ZNF43: variants seen among roughly 807,000 people sequenced by gnomAD.
The protein encoded by ZNF43 is zinc finger protein 43.
ZNF43 carries 44 observed loss-of-function variants against 68.4 expected under a neutral mutation model. The observed-to-expected ratio is 0.64, with a 90% CI of 0.51 to 0.83. The LOEUF (loss-of-function observed/expected upper bound fraction) is 0.83, where lower values mean the gene tolerates loss of function less well. Ranked by LOEUF, ZNF43 falls within the 40% of genes least tolerant of loss-of-function variation. The probability of loss-of-function intolerance (pLI) is 0.00; values close to 1 mark genes in which losing one functional copy is unlikely to be tolerated. For missense variants in ZNF43, 896 were observed against 933.2 expected (o/e 0.96, Z 0.52); for synonymous variants, 308 against 307.8 (o/e 1.00, Z -0.01).
chr19:21,823,131 A>G (rs532086978), intron 1 of ZNF43, among the ~76,000 whole-genome samples: 1 of 152,358 alleles, frequency 6.6e-6, no homozygotes, highest in East Asian at 1.9e-4. Context: ...TGGACAAATA[A>G]AGCCAAAGTT....
chr19:21,835,911 G>T lies in ZNF43; in HGVS notation c.3+125C>A, dbSNP rs2038699701. ...CCAGAGCAGCCGCCATCTTATGGCT[G>T]AAGGGGATTGAGGCCGAGCTGGGCA... On this transcript the variant is annotated intron_variant, in intron 1 of 3. Coordinates refer to ENST00000354959, the MANE Select transcript of ZNF43 (RefSeq NM_003423.4). 7.9e-6 allele frequency: 12 copies of T among 1,519,958 alleles called. 1 individual carries two copies. In the South Asian group the frequency reaches 9.4e-5, roughly 12 times the overall value. The allele number at this position is 1,519,958 out of a possible 1,614,324, so 94.2% of individuals were successfully genotyped here. A position where few individuals can be genotyped will look rare whatever the true frequency, so the allele number is the denominator to read the frequency against.
At chr19:21,810,012 C>T (rs1182072664) in intron 3 of ZNF43, among the ~76,000 whole-genome samples, 5 of 151,960 alleles carry the variant, frequency 3.3e-5, no homozygotes, top group Non-Finnish European at 7.4e-5. Context: ...GTGTGCAGTG[C>T]CCCAGGTGAG....
rs981032496 is a variant in ZNF43 at position 21,805,496 on chromosome 19, G to C, written c.*2111C>G. ...AAACCCAAACAAGTAGTGGGCGCCT[G>C]TGGTCCCAGCTACTTGGGAGGCTGA... On this transcript the variant is annotated 3_prime_UTR_variant, in exon 4 of 4. Transcript: ENST00000354959. 1.3e-5 allele frequency: 2 copies of C among 151,668 alleles called. No individual in the cohort carries two copies. The highest frequency in any genetic ancestry group is 2.9e-5 in the Non-Finnish European group (2 of 68,078). 9.4% of individuals were successfully genotyped at this position (151,668 alleles called of 1,614,324 possible).
chr19:21,852,039 T>C (rs1599560898), exon 1 of ZNF43: 1 of 1,306,250 alleles, frequency 7.7e-7, no homozygotes, highest in South Asian at 1.4e-5. Flanking sequence ...CAGAGGCGGG[T>C]CCCAAGGTCT....
At position 21,847,626 on chromosome 19, in the gene ZNF43, G is replaced by A. The variant is rs1968048231; in HGVS notation, c.30+4279C>T. ...GCAGAAGAATCACTTGAACCTGGGAGGCGGAGGTTGCAGTAAGCCAAGATC... is the reference window on the plus strand; with the variant it reads ...GCAGAAGAATCACTTGAACCTGGGAAGCGGAGGTTGCAGTAAGCCAAGATC... On this transcript the variant is annotated intron_variant, in intron 1 of 3. Transcript: ENST00000357491. Among the ~76,000 whole-genome samples, 4 of 151,986 alleles carry A rather than the reference G, an allele frequency of 2.6e-5. No individual in the cohort carries two copies. In the South Asian group the frequency reaches 8.3e-4, roughly 32 times the overall value.
At chr19:21,838,280 G>T (rs1967256490), upstream of ZNF43, among the ~76,000 whole-genome samples, 1 of 152,092 alleles carries the variant, frequency 6.6e-6, no homozygotes, top group Admixed American at 6.6e-5. Context: ...TTGGCATCAA[G>T]AGATTTATTT....
chr19:21,849,226 C>T (rs985593581), intron 1 of ZNF43, among the ~76,000 whole-genome samples: 3 of 152,022 alleles, frequency 2.0e-5, no homozygotes, highest in Non-Finnish European at 4.4e-5. Flanking sequence ...CGGTGGCTGG[C>T]GCCTGTAACC....
At chr19:21,818,968 A>AT in intron 2 of ZNF43, 127 bp downstream of exon 2, 2 of 1,365,142 alleles carry the variant, frequency 1.5e-6, no homozygotes, top group Non-Finnish European at 2.0e-6. Context: ...ACAAATCCCA[A>AT]TTTTTTTGAA....
At chr19:21,813,636 G>A (rs771969948) in intron 3 of ZNF43, among the ~76,000 whole-genome samples, 1 of 152,096 alleles carries the variant, frequency 6.6e-6, no homozygotes, top group Non-Finnish European at 1.5e-5. Context: ...CAAGTAAAAC[G>A]CTGTTTGTCA....
intron 1 of ZNF43, among the ~76,000 whole-genome samples, chr19:21,842,544 T>C (rs187333879): frequency 6.6e-6 from 1 of 152,022 alleles, no homozygotes; most frequent in East Asian, 1.9e-4. Context: ...AAGGGGACCG[T>C]GCAGCACAGT....
chr19:21,811,892 T>G (rs988719984), intron 3 of ZNF43: 4 of 385,512 alleles, frequency 1.0e-5, no homozygotes, highest in African/African-American at 8.3e-5. Context: ...ACAAATCTTT[T>G]AAAAAGAAAT....
At position 21,809,040 on chromosome 19, in the gene ZNF43, T is replaced by C. The variant is rs778846005; in HGVS notation, c.997A>G (p.Lys333Glu). Reference sequence around the variant, plus strand: ...GGTTTCTCTCCAGTATGAATTCTCTTATGTTTAGTAAGAGTTGAGGGCCAG... The same window carrying C: ...GGTTTCTCTCCAGTATGAATTCTCTCATGTTTAGTAAGAGTTGAGGGCCAG... ...FNWPSTLTKH[K>E]RIHTGEKPYT... Residue 333 changes from lysine to glutamate, a missense_variant, in exon 4 of 4, where the codon AAG (lysine) becomes GAG (glutamate). Physicochemically the swap from Lys to Glu is moderately conservative, Grantham distance 56. Transcript: ENST00000354959. 6.2e-7 allele frequency: 1 copy of C among 1,613,462 alleles called. No homozygotes were observed. The highest frequency in any genetic ancestry group is 8.5e-7 in the Non-Finnish European group (1 of 1,179,716).
rs770871031 is a variant in ZNF43 at position 21,807,852 on chromosome 19, T to C, written c.2185A>G (p.Thr729Ala). ...SNLIEHKKIHTGEQPYKCEEC... is the reference protein window; with the variant it reads ...SNLIEHKKIHAGEQPYKCEEC... ...TCACATTTGTAGGGTTGCTCTCCAG[T>C]ATGAATTTTCTTATGTTCAATAAGG... Residue 729 changes from threonine to alanine, a missense_variant, in exon 4 of 4, where the codon ACT becomes GCT. Physicochemically the swap from Thr to Ala is moderately conservative, Grantham distance 58 (BLOSUM62 0). Transcript: ENST00000354959. The C allele has an allele frequency of 8.7e-6, 14 of 1,613,208 alleles. No homozygotes were observed. The highest frequency in any genetic ancestry group is 1.7e-5 in the Admixed American group (1 of 59,962).
intron 1 of ZNF43, among the ~76,000 whole-genome samples, chr19:21,819,702 C>A (rs2037704913): frequency 6.6e-6 from 1 of 152,088 alleles, no homozygotes; most frequent in African/African-American, 2.4e-5. Context: ...ACCAGTAATG[C>A]CAATGATTTT....
intron 1 of ZNF43, among the ~76,000 whole-genome samples, chr19:21,831,730 A>C (rs750379514): frequency 6.6e-6 from 1 of 152,200 alleles, no homozygotes; most frequent in Non-Finnish European, 1.5e-5. Flanking sequence ...CACAAAAATC[A>C]GTAACATCTC....
chr19:21,828,931 G>A (rs1188069666), intron 1 of ZNF43, among the ~76,000 whole-genome samples: 1 of 149,240 alleles, frequency 6.7e-6, no homozygotes, highest in East Asian at 2.0e-4. Context: ...TACTTGGGAG[G>A]CTGAGCCAGG....
Position 21,806,659 on chromosome 19 carries a change from T to C in ZNF43, c.*948A>G, listed in dbSNP as rs2036956943. 1 of 151,412 alleles carries C rather than the reference T, an allele frequency of 6.6e-6. No homozygotes were observed. The highest frequency in any genetic ancestry group is 6.6e-5 in the Admixed American group (1 of 15,258). The allele number at this position is 151,412 out of a possible 1,614,324, so 9.4% of individuals were successfully genotyped here. Reference sequence around the variant, plus strand: ...ACATCATTATTCACTAATTTAAAAATCAGTAATTTTTTCAAGATAAAAGTA... The same window carrying C: ...ACATCATTATTCACTAATTTAAAAACCAGTAATTTTTTCAAGATAAAAGTA... On this transcript the variant is annotated 3_prime_UTR_variant, in exon 4 of 4. Transcript: ENST00000354959.
chr19:21,807,459 T>C lies in ZNF43; in HGVS notation c.*148A>G. On this transcript the variant is annotated 3_prime_UTR_variant, in exon 4 of 4. Coordinates refer to ENST00000354959, the MANE Select transcript of ZNF43 (RefSeq NM_003423.4). ...AAAAATTCTTTCCTGTGCAATAAGGTACGAGCATTAATTAAAAGTTTTGCC... is the reference window on the plus strand; with the variant it reads ...AAAAATTCTTTCCTGTGCAATAAGGCACGAGCATTAATTAAAAGTTTTGCC... 2 of 750,902 alleles carry C rather than the reference T, an allele frequency of 2.7e-6. No homozygotes were observed. The highest frequency in any genetic ancestry group is 2.8e-5 in the East Asian group (1 of 36,144). 46.5% of individuals were successfully genotyped at this position (750,902 alleles called of 1,614,324 possible). A position where few individuals can be genotyped will look rare whatever the true frequency, so the allele number is the denominator to read the frequency against.
chr19:21,852,020 G>A (rs1968411431), exon 1 of ZNF43: 4 of 1,451,066 alleles, frequency 2.8e-6, no homozygotes, highest in Admixed American at 2.1e-5. Context: ...GTTGGAGAAC[G>A]CGGAAAAGCA....
Sources: allele counts gnomAD v4.1 joint callset (sites outside exome capture counted in the v4.1 genomes callset), GRCh38; gene constraint gnomAD v4.1.1; transcripts MANE v1.5; gene names NCBI Gene and HGNC (gene_info 2026-07-23, HGNC 2026-07-21).